Variants in EXTL3 observed in about 807,000 individuals in gnomAD.
EXTL3 encodes the protein exostosin-like 3.
A neutral mutation model predicts 69.3 loss-of-function variants in EXTL3; 27 were observed. The observed-to-expected ratio is 0.39, with a 90% CI of 0.29 to 0.54. The LOEUF (loss-of-function observed/expected upper bound fraction) is 0.54, where lower values mean the gene tolerates loss of function less well. EXTL3 is among the 20% of genes least tolerant of loss of function. The pLI is 0.69. For missense variants in EXTL3, 1,003 were observed against 1,231.8 expected, an observed-to-expected ratio of 0.81 and a Z score of 2.78; for synonymous variants, 511 against 499.4, an observed-to-expected ratio of 1.02 and a Z score of -0.31.
chr8:28,648,640 T>A (rs1354530763), intron 1 of EXTL3, among the ~76,000 whole-genome samples: 1 of 152,072 alleles, frequency 6.6e-6, no homozygotes, highest in African/African-American at 2.4e-5. Flanking sequence ...CTCCCTCCCT[T>A]CCAGAGGCCA....
intron 1 of EXTL3, among the ~76,000 whole-genome samples, chr8:28,685,097 A>C (rs553593048): frequency 1.7e-4 from 26 of 151,842 alleles, no homozygotes; most frequent in Non-Finnish European, 3.4e-4. Flanking sequence ...GATTACAGGC[A>C]CGTGCCACCA....
chr8:28,756,203 A>G (rs143667165), downstream of EXTL3, among the ~76,000 whole-genome samples: 455 of 152,332 alleles, frequency 3.0e-3, 3 homozygotes, highest in African/African-American at 0.01. Context: ...TATATGGAAC[A>G]CTACTATCAA....
chr8:28,630,780 G>A (rs1563429654), intron 1 of EXTL3, among the ~76,000 whole-genome samples: 1 of 152,222 alleles, frequency 6.6e-6, no homozygotes, highest in African/African-American at 2.4e-5. Context: ...GGCGGAGGAA[G>A]ACAGACACGT....
intron 6 of EXTL3, among the ~76,000 whole-genome samples, chr8:28,748,418 G>A (rs755124708): frequency 6.6e-6 from 1 of 152,032 alleles, no homozygotes; most frequent in Non-Finnish European, 1.5e-5. Context: ...TACTATAGTG[G>A]ATTAGGTAGT....
intron 1 of EXTL3, among the ~76,000 whole-genome samples, chr8:28,677,081 G>A (rs1807399375): frequency 6.6e-6 from 1 of 152,070 alleles, no homozygotes; most frequent in South Asian, 2.1e-4. Context: ...TATAGGTCGA[G>A]GTGAAGGAGG....
upstream of EXTL3, among the ~76,000 whole-genome samples, chr8:28,618,412 G>A (rs2130538030): frequency 6.6e-6 from 1 of 152,280 alleles, no homozygotes; most frequent in South Asian, 2.1e-4. Context: ...AAAATTCAGA[G>A]GGGGAAAATG....
chr8:28,643,451 T>G (rs180758859), intron 1 of EXTL3, among the ~76,000 whole-genome samples: 1,631 of 141,722 alleles, frequency 0.012, 32 homozygotes, highest in African/African-American at 0.043. Context: ...GTCTCGCTCT[T>G]TCGCCCAGGC....
At chr8:28,655,711 C>G (rs1806999381) in intron 1 of EXTL3, among the ~76,000 whole-genome samples, 1 of 152,038 alleles carries the variant, frequency 6.6e-6, no homozygotes, top group Admixed American at 6.6e-5. Flanking sequence ...CTAGGCTTGT[C>G]TTGAACTCTT....
At chr8:28,730,104 A>G (rs376636248) in intron 3 of EXTL3, 1 of 152,224 alleles carries the variant, frequency 6.6e-6, no homozygotes, top group Non-Finnish European at 1.5e-5. Flanking sequence ...CTGGACCTCC[A>G]GGGGGAGGAT....
intron 1 of EXTL3, among the ~76,000 whole-genome samples, chr8:28,688,903 A>G (rs539383374): frequency 6.6e-5 from 10 of 152,234 alleles, no homozygotes; most frequent in Non-Finnish European, 1.0e-4. Flanking sequence ...AAGAAGAATC[A>G]GTGAATATGT....
At chr8:28,665,063 CTTTTTTT>C (rs1222832851) in intron 1 of EXTL3, among the ~76,000 whole-genome samples, 133 of 62,404 alleles carry the variant, frequency 2.1e-3, no homozygotes, top group African/African-American at 3.3e-3. Context: ...TTTTCCTTTA[CTTTTTTT>C]TTTTTTTTTT....
At chr8:28,653,035 A>G (rs1806952720) in intron 1 of EXTL3, among the ~76,000 whole-genome samples, 2 of 152,208 alleles carry the variant, frequency 1.3e-5, no homozygotes, top group African/African-American at 4.8e-5. Context: ...TAGCACCCAG[A>G]ATGCATATTT....
chr8:28,732,106 A>C (rs1801549910), intron 4 of EXTL3, among the ~76,000 whole-genome samples: 1 of 152,004 alleles, frequency 6.6e-6, no homozygotes, highest in South Asian at 2.1e-4. Context: ...GGTTTGTCAC[A>C]CTCCCAACCT....
intron 1 of EXTL3, among the ~76,000 whole-genome samples, chr8:28,694,331 G>C (rs980490195): frequency 6.6e-6 from 1 of 152,192 alleles, no homozygotes; most frequent in Admixed American, 6.5e-5. Flanking sequence ...TACCTCAAAC[G>C]ATAATTCCCT....
At chr8:28,645,857 T>TATTG (rs1237659197) in intron 1 of EXTL3, among the ~76,000 whole-genome samples, 5 of 150,910 alleles carry the variant, frequency 3.3e-5, no homozygotes, top group Non-Finnish European at 5.9e-5. Flanking sequence ...GTTATTCTCT[T>TATTG]ATTGATTGAT....
chr8:28,634,654 G>T (rs1806623951), intron 1 of EXTL3, among the ~76,000 whole-genome samples: 1 of 149,510 alleles, frequency 6.7e-6, no homozygotes, highest in Non-Finnish European at 1.5e-5. Context: ...GGAGTGCAGT[G>T]GCGGAATCTC....
intron 1 of EXTL3, among the ~76,000 whole-genome samples, chr8:28,666,793 TCG>T (rs1010025483): frequency 3.9e-5 from 6 of 152,066 alleles, no homozygotes; most frequent in Non-Finnish European, 7.4e-5. Flanking sequence ...CAGGCTGGTC[TCG>T]AACTCCTGAC....
At chr8:28,639,263 A>G (rs1161313323) in intron 1 of EXTL3, among the ~76,000 whole-genome samples, 10 of 152,020 alleles carry the variant, frequency 6.6e-5, no homozygotes, top group Non-Finnish European at 1.3e-4. Flanking sequence ...CCTCTTCCCC[A>G]ACATCGGCTT....
chr8:28,735,882 C>T (rs7015836), intron 4 of EXTL3, among the ~76,000 whole-genome samples: 98,380 of 152,070 alleles, frequency 0.65, 32,149 homozygotes, highest in African/African-American at 0.74. Flanking sequence ...CAGCGTTATT[C>T]GTAACAGAAG....
Sources: gnomAD v4.1 joint callset for allele counts (sites outside exome capture counted in the v4.1 genomes callset) on GRCh38, gnomAD v4.1.1 for gene constraint, MANE v1.5 for transcripts, NCBI Gene and HGNC (gene_info 2026-07-23, HGNC 2026-07-21) for gene names.